The following CREM variants were observed in gnomAD, a reference collection of about 807,000 sequenced individuals.
The protein encoded by CREM is cAMP-responsive element modulator.
A neutral mutation model predicts 37.3 loss-of-function variants in CREM; 13 were observed. That is an observed-to-expected ratio of 0.35 (90% CI 0.23 to 0.55). CREM has a LOEUF of 0.55. Ranked by LOEUF, CREM falls within the 20% of genes least tolerant of loss-of-function variation. The pLI is 0.88. For missense variants in CREM, 296 were observed against 362.3 expected (o/e 0.82, Z 1.49); for synonymous variants, 124 against 120.2 (o/e 1.03, Z -0.21).
rs772441471 is a variant in CREM at position 35,158,811 on chromosome 10, TG to T, written c.168+10321del. Among the ~76,000 whole-genome samples the T allele has an allele frequency of 3.7e-3, 351 of 94,026 alleles. 21 individuals carry two copies. Among genetic ancestry groups the T allele is most frequent in the Non-Finnish European group, 4.5e-3 (182 of 40,620 alleles). 61.7% of individuals were successfully genotyped at this position (94,026 alleles called of 152,430 possible). A position where few individuals can be genotyped will look rare whatever the true frequency, so the allele number is the denominator to read the frequency against. On this transcript the variant is annotated intron_variant, in intron 3 of 7. Coordinates refer to ENST00000685392, the MANE Select transcript of CREM (RefSeq NM_183011.2). ...AGCAAATATAGTGTTTTTTTTTTGT[TG>T]TTTTGTTTGTTTTTTTTTTTTTTTT...
intron 7 of CREM, among the ~76,000 whole-genome samples, chr10:35,210,081 AT>A (rs1247056438): frequency 6.6e-5 from 10 of 151,976 alleles, no homozygotes; most frequent in Admixed American, 4.6e-4. Context: ...AAAAAAAAAA[AT>A]CATGTATACA....
intron 6 of CREM, among the ~76,000 whole-genome samples, chr10:35,188,652 T>C (rs1213889839): frequency 1.3e-5 from 2 of 148,588 alleles, no homozygotes; most frequent in Non-Finnish European, 3.0e-5. Flanking sequence ...GATAGAAACA[T>C]GAATGAATTT....
chr10:35,148,644 G>GTAAT lies in CREM; in HGVS notation c.168+156_168+159dup, dbSNP rs146013089. The GTAAT allele has an allele frequency of 3.6e-3, 2,993 of 824,184 alleles. 69 individuals are homozygous for GTAAT. In the African/African-American group the frequency reaches 0.047, roughly 13 times the overall value. The allele number at this position is 824,184 out of a possible 1,614,324, so 51.1% of individuals were successfully genotyped here. A position where few individuals can be genotyped will look rare whatever the true frequency, so the allele number is the denominator to read the frequency against. On this transcript the variant is annotated intron_variant, in intron 3 of 7. Coordinates refer to ENST00000685392, the MANE Select transcript of CREM (RefSeq NM_183011.2). ...TGATTGTGAAGAAAAGATACGTGTT[G>GTAAT]TAATTAGCCTTGCATTTTAACAGAC...
intron 3 of CREM, among the ~76,000 whole-genome samples, chr10:35,175,180 G>T (rs1159678948): frequency 6.6e-6 from 1 of 152,252 alleles, no homozygotes; most frequent in Admixed American, 6.5e-5. Context: ...AGGTACAGTG[G>T]CTCACGCCTG....
chr10:35,145,669 C>T (rs559034339), intron 2 of CREM, among the ~76,000 whole-genome samples: 2 of 146,950 alleles, frequency 1.4e-5, no homozygotes, highest in African/African-American at 2.5e-5. Flanking sequence ...ATCCCAGCTA[C>T]GTGGGAGGCT....
Position 35,211,669 on chromosome 10 carries a change from G to C in CREM, c.*271G>C. ...GCTTTTTTTCAGGGAAGCTGCCAAA[G>C]AATGTCGACGTCGAAAGAAAGAATA... On this transcript the variant is annotated 3_prime_UTR_variant, in exon 8 of 8. Transcript: ENST00000685392. 2.5e-6 allele frequency: 4 copies of C among 1,611,400 alleles called. No individual in the cohort carries two copies. The highest frequency in any genetic ancestry group is 1.1e-5 in the South Asian group (1 of 90,092).
chr10:35,167,453 C>T, intron 3 of CREM: 1 of 403,926 alleles, frequency 2.5e-6, no homozygotes, highest in Non-Finnish European at 4.4e-6. Flanking sequence ...ATTTTAAAAT[C>T]CTTTATTGTC....
intron 7 of CREM, chr10:35,209,489 C>A: frequency 4.9e-6 from 2 of 406,498 alleles, no homozygotes; most frequent in Non-Finnish European, 3.3e-6. Flanking sequence ...TTTGTGCCTG[C>A]AACATTTTGA....
intron 3 of CREM, among the ~76,000 whole-genome samples, chr10:35,151,094 G>T (rs565343205): frequency 4.6e-5 from 7 of 152,306 alleles, no homozygotes; most frequent in African/African-American, 1.4e-4. Flanking sequence ...AGATGGGTTT[G>T]TGAAACAAAG....
intron 2 of CREM, among the ~76,000 whole-genome samples, chr10:35,145,168 A>AAG (rs577431900): frequency 0.13 from 19,641 of 149,788 alleles, 1,513 homozygotes; most frequent in South Asian, 0.2. Flanking sequence ...CTCAAAAAAA[A>AAG]AAAAAAAAAA....
At chr10:35,138,116 G>A (rs1483039288) in intron 2 of CREM, among the ~76,000 whole-genome samples, 1 of 152,186 alleles carries the variant, frequency 6.6e-6, no homozygotes, top group Non-Finnish European at 1.5e-5. Context: ...TAGTCTTTTC[G>A]TTTAGAAAGT....
intron 3 of CREM, among the ~76,000 whole-genome samples, chr10:35,157,970 C>G (rs2093021194): frequency 6.6e-6 from 1 of 151,706 alleles, no homozygotes; most frequent in Non-Finnish European, 1.5e-5. Flanking sequence ...GAAAAAATAT[C>G]AAGAAAACTC....
chr10:35,199,303 C>G (rs1264046324), intron 6 of CREM, among the ~76,000 whole-genome samples: 1 of 152,194 alleles, frequency 6.6e-6, no homozygotes, highest in African/African-American at 2.4e-5. Context: ...TTGGAAATTA[C>G]TCATGTTATT....
chr10:35,178,840 G>C, intron 3 of CREM, 49 bp from the exon 4 acceptor site: 2 of 1,486,132 alleles, frequency 1.3e-6, no homozygotes, highest in South Asian at 2.4e-5. Context: ...TTGAATGAGG[G>C]AAAAGAGCAT....
chr10:35,184,563 C>T (rs939205489), intron 5 of CREM, among the ~76,000 whole-genome samples: 18 of 152,240 alleles, frequency 1.2e-4, no homozygotes, highest in Middle Eastern at 3.4e-3. Context: ...ATGAGGCTGA[C>T]GTGCCTGACT....
chr10:35,188,555 A>G, intron 6 of CREM, 167 bp downstream of exon 6: 1 of 510,958 alleles, frequency 2.0e-6, no homozygotes, highest in Non-Finnish European at 3.1e-6. Context: ...TAAACAGCAA[A>G]TTAAGTTTTA....
intron 6 of CREM, among the ~76,000 whole-genome samples, chr10:35,190,887 C>T (rs1265136876): frequency 6.6e-6 from 1 of 152,104 alleles, no homozygotes; most frequent in Non-Finnish European, 1.5e-5. Flanking sequence ...TGGTCTCGAT[C>T]TCCTGACCTC....
chr10:35,150,887 GGGCTT>G (rs2092554213), intron 3 of CREM, among the ~76,000 whole-genome samples: 2 of 68,574 alleles, frequency 2.9e-5, no homozygotes, highest in African/African-American at 1.3e-4. Flanking sequence ...AGGTTTCTGA[GGGCTT>G]GAAAGTGTTG....
Position 35,167,896 on chromosome 10 carries a change from T to C in CREM, c.169-10993T>C, listed in dbSNP as rs1312029608. The C allele has an allele frequency of 2.5e-6, 3 of 1,193,818 alleles. No individual in the cohort carries two copies. In the African/African-American group the frequency reaches 4.6e-5, roughly 18 times the overall value. 74.0% of individuals were successfully genotyped at this position (1,193,818 alleles called of 1,614,324 possible). A position where few individuals can be genotyped will look rare whatever the true frequency, so the allele number is the denominator to read the frequency against. ...GAAATATAAAATAACATCCATTTTA[T>C]GTTTTAGTTTTTTGTTCTTGCGATA... is the stretch of plus-strand genomic sequence containing the variant. On this transcript the variant is annotated intron_variant, in intron 3 of 7. Coordinates refer to ENST00000685392, the MANE Select transcript of CREM (RefSeq NM_183011.2).
Sources: gnomAD v4.1 joint callset for allele counts (sites outside exome capture counted in the v4.1 genomes callset) on GRCh38, gnomAD v4.1.1 for gene constraint, MANE v1.5 for transcripts, NCBI Gene and HGNC (gene_info 2026-07-23, HGNC 2026-07-21) for gene names.